Variants in PCDHA4 observed in about 807,000 individuals in gnomAD.
PCDHA4 encodes the protein protocadherin alpha-4.
In PCDHA4, 49 loss-of-function variants were observed where a neutral mutation model predicts 61.4. The observed-to-expected ratio is 0.80, with a 90% CI of 0.63 to 1.01. The LOEUF is 1.01. Among genes scored for constraint, PCDHA4 ranks in the 50% least tolerant of loss-of-function variants. The pLI, the probability that PCDHA4 is intolerant of heterozygous loss-of-function variation, is 0.00. For synonymous variants in PCDHA4, 590 were observed against 550.3 expected (o/e 1.07, Z -1.01); for missense variants, 1,254 against 1,235.8 (o/e 1.01, Z -0.22).
At chr5:140,830,407 T>G in intron 1 of PCDHA4, 24 of 1,614,170 alleles carry the variant, frequency 1.5e-5, no homozygotes, top group Non-Finnish European at 2.0e-5. Context: ...TCATGGCCTT[T>G]AGCCCCAGCC....
In PCDHA4 at chr5:140,858,410, T is replaced by C; in HGVS notation, c.2385+48838T>C. ...GGTAGATGTGGACGGGGAAGATCAG[T>C]CTATTGGAGGGGACCACTCTAGGAA... On this transcript the variant is annotated intron_variant, in intron 1 of 3. Transcript: ENST00000530339. 7.7e-6 allele frequency: 12 copies of C among 1,565,560 alleles called. 2 individuals are homozygous for C. The highest frequency in any genetic ancestry group is 1.0e-5 in the Non-Finnish European group (12 of 1,147,708).
intron 1 of PCDHA4, chr5:140,824,221 T>G: frequency 6.4e-7 from 1 of 1,560,374 alleles, no homozygotes; most frequent in South Asian, 1.1e-5. Flanking sequence ...AAAAATTATG[T>G]CTTAGTACAC....
chr5:140,829,684 G>T, intron 1 of PCDHA4: 1 of 1,613,278 alleles, frequency 6.2e-7, no homozygotes, highest in Non-Finnish European at 8.5e-7. Context: ...TAGAGCTGCT[G>T]CAGTTTCAGG....
chr5:140,932,351 A>G (rs1401387848), intron 1 of PCDHA4, among the ~76,000 whole-genome samples: 1 of 151,920 alleles, frequency 6.6e-6, no homozygotes, highest in African/African-American at 2.4e-5. Context: ...TTACCATACA[A>G]CTGGCCTTAT....
At chr5:140,976,310 G>A (rs1216220776) in intron 1 of PCDHA4, among the ~76,000 whole-genome samples, 1 of 152,036 alleles carries the variant, frequency 6.6e-6, no homozygotes, top group African/African-American at 2.4e-5. Context: ...CAGCACTTTG[G>A]GAGGCCGAGG....
chr5:140,828,066 T>C, intron 1 of PCDHA4: 1 of 1,560,076 alleles, frequency 6.4e-7, no homozygotes, highest in South Asian at 1.2e-5. Context: ...GATCTTCTAA[T>C]GGAAATAAAA....
chr5:140,828,225 T>A (rs1554131106), intron 1 of PCDHA4: 1 of 1,613,878 alleles, frequency 6.2e-7, no homozygotes, highest in East Asian at 2.2e-5. Context: ...GGCACCTTCG[T>A]GGGCCGGATC....
At chr5:140,912,882 T>A (rs2153523481) in intron 1 of PCDHA4, among the ~76,000 whole-genome samples, 1 of 152,362 alleles carries the variant, frequency 6.6e-6, no homozygotes, top group South Asian at 2.1e-4. Context: ...TTGGTCTTCA[T>A]TCTGTTGATA....
At position 140,809,328 on chromosome 5, in the gene PCDHA4, C is replaced by G. The variant is rs1419045044; in HGVS notation, c.2141C>G (p.Thr714Arg). The G allele has an allele frequency of 5.0e-6, 8 of 1,613,988 alleles. No homozygotes were observed. The highest frequency in any genetic ancestry group is 1.7e-5 in the Admixed American group (1 of 60,010). ...GCGGTGTCCAGCCTTTTGGTGCTCA[C>G]GCTGCTGCTGTACACCGCGCTGCGG... ...ICAVSSLLVL[T>R]LLLYTALRCS... Residue 714 changes from threonine to arginine, a missense_variant, in exon 1 of 4, where the codon ACG (threonine) becomes AGG (arginine). By Grantham distance (71) the Thr-to-Arg change is moderately conservative. Transcript: ENST00000530339.
intron 1 of PCDHA4, among the ~76,000 whole-genome samples, chr5:140,895,617 G>T (rs782388218): frequency 6.6e-6 from 1 of 152,084 alleles, no homozygotes; most frequent in Non-Finnish European, 1.5e-5. Context: ...CTCATTGAGG[G>T]TGTTGTCTTT....
Position 140,850,293 on chromosome 5 carries a change from G to T in PCDHA4, c.2385+40721G>T. On this transcript the variant is annotated intron_variant, in intron 1 of 3. Coordinates refer to ENST00000530339, the MANE Select transcript of PCDHA4 (RefSeq NM_018907.4). ...GGGGAAGGTGCGCGCAGTGGACGCC[G>T]ACTCGGGCTACAACGCGTGGCTTTC... 6.3e-6 allele frequency: 10 copies of T among 1,596,280 alleles called. 2 individuals are homozygous for T. The highest frequency in any genetic ancestry group is 8.6e-6 in the Non-Finnish European group (10 of 1,167,618).
chr5:140,873,161 C>T (rs946054760), intron 1 of PCDHA4, among the ~76,000 whole-genome samples: 11 of 152,012 alleles, frequency 7.2e-5, no homozygotes, highest in South Asian at 4.2e-4. Context: ...GACTTTAGAT[C>T]GAGAGCTTTT....
chr5:140,875,981 A>G lies in PCDHA4; in HGVS notation c.2385+66409A>G, dbSNP rs200521027. 1.0e-3 allele frequency: 1,684 copies of G among 1,614,052 alleles called. 3 individuals are homozygous for G. Among genetic ancestry groups the G allele is most frequent in the Admixed American group, 1.5e-3 (93 of 60,032 alleles). ...ATCGGCGTAAACTCTCTTTTGACCT[A>G]TGCGTTAAGTCTAAATGAGAATTTT... On this transcript the variant is annotated intron_variant, in intron 1 of 3. Transcript: ENST00000530339.
chr5:140,942,759 G>A (rs2093365403), intron 1 of PCDHA4, among the ~76,000 whole-genome samples: 1 of 152,074 alleles, frequency 6.6e-6, no homozygotes, highest in Admixed American at 6.6e-5. Context: ...AAATGAGATG[G>A]CATAATGTAT....
rs2150250945 is a variant in PCDHA4 at position 140,836,022 on chromosome 5, A to G, written c.2385+26450A>G. 3.1e-6 allele frequency: 5 copies of G among 1,613,430 alleles called. No homozygotes were observed. In the South Asian group the frequency reaches 5.5e-5, roughly 18 times the overall value. On this transcript the variant is annotated intron_variant, in intron 1 of 3. Transcript: ENST00000530339. Reference sequence around the variant, plus strand: ...CGATGCGGGCGTGCCGCCTCTGGGCAGCAACGTGACGCTGCAGGTGTTCGT... The same window carrying G: ...CGATGCGGGCGTGCCGCCTCTGGGCGGCAACGTGACGCTGCAGGTGTTCGT...
At chr5:140,924,895 AAAAAAAAAAAT>A (rs1321698386) in intron 1 of PCDHA4, among the ~76,000 whole-genome samples, 1,704 of 132,168 alleles carry the variant, frequency 0.013, 31 homozygotes, top group African/African-American at 0.056. Flanking sequence ...AACCTGTCTC[AAAAAAAAAAAT>A]AAAATAAAAT....
intron 1 of PCDHA4, among the ~76,000 whole-genome samples, chr5:140,839,694 A>G (rs1199656797): frequency 6.6e-6 from 1 of 152,032 alleles, no homozygotes; most frequent in Non-Finnish European, 1.5e-5. Context: ...TTTTTTGGGT[A>G]AATAATGTGA....
intron 1 of PCDHA4, chr5:140,830,141 G>GC (rs1770847454): frequency 6.2e-7 from 1 of 1,613,282 alleles, no homozygotes; most frequent in East Asian, 2.2e-5. Flanking sequence ...ACGGGCGTCG[G>GC]TGGGCGCCGC....
Position 140,843,393 on chromosome 5 carries a change from C to T in PCDHA4, c.2385+33821C>T. ...TCGGCTGGCGTTTTGGGTCCGGAAG[C>T]GGCGCTGGTGGATGTCAACGTGTAC... On this transcript the variant is annotated intron_variant, in intron 1 of 3. Coordinates refer to ENST00000530339, the MANE Select transcript of PCDHA4 (RefSeq NM_018907.4). The T allele has an allele frequency of 1.9e-6, 3 of 1,596,052 alleles. 1 individual carries two copies. Among genetic ancestry groups the T allele is most frequent in the South Asian group, 2.2e-5 (2 of 90,510 alleles).
Sources: gnomAD v4.1 joint callset for allele counts (sites outside exome capture counted in the v4.1 genomes callset) on GRCh38, gnomAD v4.1.1 for gene constraint, MANE v1.5 for transcripts, NCBI Gene and HGNC (gene_info 2026-07-23, HGNC 2026-07-21) for gene names.